Variants in PIK3C3 observed in about 807,000 individuals in gnomAD.
PIK3C3 encodes phosphatidylinositol 3-kinase catalytic subunit type 3, also known as PI3-kinase type 3.
Under a neutral mutation model 126.1 loss-of-function variants are expected in PIK3C3, and 95 were observed. That is an observed-to-expected ratio of 0.75 (90% CI 0.64 to 0.89). The LOEUF is 0.89. PIK3C3 is among the 40% of genes least tolerant of loss of function. PIK3C3 has a pLI of 0.00. For missense variants in PIK3C3, 829 were observed against 1,063.2 expected, an observed-to-expected ratio of 0.78 and a Z score of 3.06; for synonymous variants, 374 against 360.0, an observed-to-expected ratio of 1.04 and a Z score of -0.44.
At chr18:42,067,300 C>T in intron 23 of PIK3C3, 88 bp from the exon 24 acceptor site, 3 of 1,181,468 alleles carry the variant, frequency 2.5e-6, no homozygotes, top group Non-Finnish European at 3.7e-6. Flanking sequence ...CTCATGTTAC[C>T]TTATAATGTC....
At chr18:42,035,269 A>T (rs1983998189) in intron 16 of PIK3C3, among the ~76,000 whole-genome samples, 1 of 152,180 alleles carries the variant, frequency 6.6e-6, no homozygotes, top group Non-Finnish European at 1.5e-5. Context: ...TAGAACTCCC[A>T]AAGAAGACCA....
rs950027515 is a variant in PIK3C3, at chr18:41,955,267, A to G, written c.-25A>G. ...TTTCCTGTACCTAAGTTCCCGCTGT[A>G]GGTGGTACCTTTGCAGACGGTGCGA... On this transcript the variant is annotated 5_prime_UTR_variant, in exon 1 of 25. Coordinates refer to ENST00000262039, the MANE Select transcript of PIK3C3 (RefSeq NM_002647.4). The G allele has an allele frequency of 6.2e-7, 1 of 1,602,992 alleles. No homozygotes were observed. The highest frequency in any genetic ancestry group is 1.3e-5 in the African/African-American group (1 of 74,600).
At chr18:42,081,101 T>A (rs1406065548) in intron 24 of PIK3C3, 22 bp from the exon 25 acceptor site, 1 of 1,380,210 alleles carries the variant, frequency 7.2e-7, no homozygotes, top group South Asian at 1.2e-5. Flanking sequence ...ATTTTCTGTT[T>A]ATTTCTTTTT....
At chr18:41,996,759 A>C (rs559615302) in intron 9 of PIK3C3, 29 bp downstream of exon 9, 2 of 1,041,848 alleles carry the variant, frequency 1.9e-6, no homozygotes, top group East Asian at 4.9e-5. Context: ...TTCATATATC[A>C]AATTTATCTA....
chr18:42,020,664 G>T lies in PIK3C3; in HGVS notation c.1443G>T (p.Ser481=). Residue 481 remains serine, a synonymous_variant, in exon 13 of 25, where the codon TCG becomes TCT. Coordinates refer to ENST00000262039, the MANE Select transcript of PIK3C3 (RefSeq NM_002647.4). ...AAGATCTCTGTACCTTCTTGATATC[G>T]AGAGCCTGCAAAAACTCAACACTGG... ...LEQDLCTFLI[S]RACKNSTLAN... is the part of the protein sequence containing the mutation. The T allele has an allele frequency of 1.2e-6, 2 of 1,603,274 alleles. No homozygotes were observed. Among genetic ancestry groups the T allele is most frequent in the Non-Finnish European group, 1.7e-6 (2 of 1,172,192 alleles).
rs140678219 is a variant in PIK3C3 at position 41,967,638 on chromosome 18, G to C, written c.402-2689G>C. On this transcript the variant is annotated intron_variant, in intron 3 of 24. Transcript: ENST00000262039. ...TTGGAGAATAGTCTAATTAATAATT[G>C]AAATACTGATTTGTTAGGGATAAGG... Among the ~76,000 whole-genome samples, 62 of 152,266 alleles carry C rather than the reference G, an allele frequency of 4.1e-4. No homozygotes were observed. In the East Asian group the frequency reaches 0.012, roughly 29 times the overall value.
chr18:42,038,550 A>T (rs556349007), intron 17 of PIK3C3, among the ~76,000 whole-genome samples: 1 of 151,758 alleles, frequency 6.6e-6, no homozygotes, highest in African/African-American at 2.4e-5. Flanking sequence ...CACCATGTTG[A>T]CCAGGCTGAT....
chr18:42,079,946 A>AGT (rs6146278), intron 24 of PIK3C3, among the ~76,000 whole-genome samples: 4,630 of 137,166 alleles, frequency 0.034, 85 homozygotes, highest in South Asian at 0.045. Context: ...CCAACTTTTG[A>AGT]GTGTGTGTGT....
chr18:42,059,380 A>G (rs1394851763), intron 22 of PIK3C3, among the ~76,000 whole-genome samples: 1 of 152,190 alleles, frequency 6.6e-6, no homozygotes, highest in Non-Finnish European at 1.5e-5. Flanking sequence ...TTTCAGAGAG[A>G]TGAGAGTGCC....
Position 42,027,443 on chromosome 18 carries a change from G to A in PIK3C3, c.1485G>A (p.Trp495Ter), listed in dbSNP as rs780169040. 1 of 1,568,046 alleles carries A rather than the reference G, an allele frequency of 6.4e-7. No homozygotes were observed. The highest frequency in any genetic ancestry group is 2.3e-5 in the East Asian group (1 of 44,084). ...KNSTLANYLYWYVIVECEDQD... is the reference protein window; with the variant it reads ...KNSTLANYLY The stretch of plus-strand genomic sequence containing the variant: ...ATGAATGGCTCAAACTATTTTTAAG[G>A]TATGTGATAGTGGAATGTGAAGATC... The change falls in exon 14 of 25, where the codon TGG becomes TGA. Residue 495 changes from tryptophan (W) to a stop codon, truncating the protein, a stop_gained and splice_region_variant. Transcript: ENST00000262039. LOFTEE classifies it high-confidence loss of function.
chr18:41,968,431 T>C (rs889613714), intron 3 of PIK3C3, among the ~76,000 whole-genome samples: 1 of 152,250 alleles, frequency 6.6e-6, no homozygotes, highest in African/African-American at 2.4e-5. Context: ...TTTTGTACTG[T>C]AATTTTCTTT....
chr18:41,983,778 A>G (rs1195305013), intron 4 of PIK3C3, among the ~76,000 whole-genome samples: 2 of 152,150 alleles, frequency 1.3e-5, no homozygotes, highest in African/African-American at 4.8e-5. Flanking sequence ...CTAATCTGAG[A>G]CATCTTCCTC....
chr18:42,076,453 T>A (rs951619566), intron 24 of PIK3C3, among the ~76,000 whole-genome samples: 1 of 152,098 alleles, frequency 6.6e-6, no homozygotes, highest in African/African-American at 2.4e-5. Flanking sequence ...CCAGGAGCTG[T>A]TAATCCAAGA....
chr18:41,995,472 A>G (rs1981982018), intron 7 of PIK3C3, among the ~76,000 whole-genome samples: 1 of 152,196 alleles, frequency 6.6e-6, no homozygotes, highest in Non-Finnish European at 1.5e-5. Context: ...TGCCCTCAGT[A>G]ACTGATAGCT....
rs1981605834 is a variant in PIK3C3 at position 41,988,444 on chromosome 18, A to G, written c.618+546A>G. On this transcript the variant is annotated intron_variant, in intron 5 of 24. Transcript: ENST00000262039. ...GAGAGTCCTGCCAAAAGTTGTAACA[A>G]GAATAGTTTACTTTTTTGTATATTT... Among the ~76,000 whole-genome samples, 3 of 152,190 alleles carry G rather than the reference A, an allele frequency of 2.0e-5. 1 individual carries two copies. In the South Asian group the frequency reaches 6.2e-4, roughly 31 times the overall value.
chr18:42,014,285 A>T (rs935770604), intron 11 of PIK3C3, among the ~76,000 whole-genome samples: 3 of 152,048 alleles, frequency 2.0e-5, no homozygotes, highest in Non-Finnish European at 4.4e-5. Context: ...ATAGTTTAAT[A>T]AAAAGTTGCA....
intron 22 of PIK3C3, among the ~76,000 whole-genome samples, chr18:42,063,940 G>C (rs763884129): frequency 6.6e-6 from 1 of 152,064 alleles, no homozygotes; most frequent in Non-Finnish European, 1.5e-5. Flanking sequence ...CTTTTTATCA[G>C]TGCTAAGGAG....
At chr18:42,016,278 A>T (rs545729861) in intron 12 of PIK3C3, among the ~76,000 whole-genome samples, 1 of 152,156 alleles carries the variant, frequency 6.6e-6, no homozygotes, top group Non-Finnish European at 1.5e-5. Flanking sequence ...GTATGTTTGC[A>T]TATCTTTCGG....
chr18:42,069,026 G>A (rs1240387812), intron 24 of PIK3C3, among the ~76,000 whole-genome samples: 3 of 152,016 alleles, frequency 2.0e-5, no homozygotes, highest in Non-Finnish European at 4.4e-5. Flanking sequence ...TGAAGGCTGG[G>A]CTTTGTCTAT....
Sources: gnomAD v4.1 joint callset for allele counts (sites outside exome capture counted in the v4.1 genomes callset) on GRCh38, gnomAD v4.1.1 for gene constraint, MANE v1.5 for transcripts, NCBI Gene and HGNC (gene_info 2026-07-23, HGNC 2026-07-21) for gene names.